The following RTP2 variants were observed in gnomAD, a reference collection of about 807,000 sequenced individuals.
The protein encoded by RTP2 is receptor-transporting protein 2.
Under a neutral mutation model 17.9 loss-of-function variants are expected in RTP2, and 12 were observed. That is an observed-to-expected ratio of 0.67 (90% CI 0.43 to 1.09). The LOEUF (loss-of-function observed/expected upper bound fraction) is 1.09, where lower values mean the gene tolerates loss of function less well. RTP2 is among the 50% of genes least tolerant of loss of function. RTP2 has a pLI of 0.00. For synonymous variants in RTP2, 126 were observed against 117.7 expected, an observed-to-expected ratio of 1.07 and a Z score of -0.46; for missense variants, 327 against 295.7, an observed-to-expected ratio of 1.11 and a Z score of -0.78.
At chr3:187,715,301 C>T in the RTP2 span, among the ~76,000 whole-genome samples, 2 of 152,206 alleles carry the variant, frequency 1.3e-5, no homozygotes, top group Non-Finnish European at 2.9e-5. Context: ...GTGATGAGTT[C>T]AGATGCTCAC....
the RTP2 span, among the ~76,000 whole-genome samples, chr3:187,707,567 T>A: frequency 3.0e-4 from 45 of 152,298 alleles, no homozygotes; most frequent in East Asian, 8.5e-3. Context: ...AGACTCCATA[T>A]CATTTAGGAC....
At chr3:187,712,721 C>T in the RTP2 span, among the ~76,000 whole-genome samples, 3 of 152,222 alleles carry the variant, frequency 2.0e-5, no homozygotes, top group African/African-American at 4.8e-5. Context: ...GGGCTGGACC[C>T]GAGGAATTAG....
exon 1 of RTP2, chr3:187,702,555 T>C (rs1717882101): frequency 2.2e-6 from 1 of 457,592 alleles, no homozygotes; most frequent in Non-Finnish European, 4.4e-6. Flanking sequence ...TACGACACCC[T>C]AGGAAGTCAA....
the RTP2 span, among the ~76,000 whole-genome samples, chr3:187,711,164 T>G: frequency 6.6e-6 from 1 of 152,206 alleles, no homozygotes; most frequent in South Asian, 2.1e-4. Context: ...CTTTAGGATC[T>G]AAGGGAATAT....
At chr3:187,704,929 C>A (rs550241620), upstream of RTP2, among the ~76,000 whole-genome samples, 1 of 152,254 alleles carries the variant, frequency 6.6e-6, no homozygotes, top group East Asian at 1.9e-4. Flanking sequence ...TATTAATTGG[C>A]AGCAACCAGA....
At chr3:187,714,319 A>C in the RTP2 span, among the ~76,000 whole-genome samples, 1 of 106,188 alleles carries the variant, frequency 9.4e-6, no homozygotes, top group Non-Finnish European at 2.4e-5. Context: ...GAAGAGCTGG[A>C]AATTCCTGAT....
chr3:187,710,276 T>A, the RTP2 span, among the ~76,000 whole-genome samples: 1 of 151,986 alleles, frequency 6.6e-6, no homozygotes, highest in Non-Finnish European at 1.5e-5. Flanking sequence ...TACCACTGGC[T>A]TTCCTGAGTC....
upstream of RTP2, among the ~76,000 whole-genome samples, chr3:187,705,498 T>A (rs542937023): frequency 7.2e-5 from 11 of 152,284 alleles, no homozygotes; most frequent in African/African-American, 1.9e-4. Context: ...AAAATATATA[T>A]CTTTCCTTTT....
the RTP2 span, among the ~76,000 whole-genome samples, chr3:187,713,092 G>A: frequency 1.3e-5 from 2 of 152,038 alleles, no homozygotes; most frequent in African/African-American, 4.8e-5. Flanking sequence ...GTGCTTAAGG[G>A]GCACCTCCTC....
chr3:187,710,246 G>A, the RTP2 span, among the ~76,000 whole-genome samples: 6 of 151,974 alleles, frequency 3.9e-5, no homozygotes, highest in Non-Finnish European at 8.8e-5. Context: ...CAGCTCTCTG[G>A]CTCTCAGGCC....
the RTP2 span, among the ~76,000 whole-genome samples, chr3:187,713,274 T>A: frequency 6.6e-6 from 1 of 152,194 alleles, no homozygotes; most frequent in Admixed American, 6.5e-5. Flanking sequence ...ATTTTGACCC[T>A]AAGAGAATAC....
the RTP2 span, among the ~76,000 whole-genome samples, chr3:187,714,580 C>A: frequency 6.6e-6 from 1 of 152,248 alleles, no homozygotes; most frequent in Non-Finnish European, 1.5e-5. Context: ...GCTTGGTCTA[C>A]CCTGCCACCT....
At chr3:187,715,479 G>A in the RTP2 span, 4 of 333,638 alleles carry the variant, frequency 1.2e-5, no homozygotes, top group Non-Finnish European at 2.4e-5. Context: ...TTTAGTGGCA[G>A]CACTGAGGTT....
At chr3:187,711,963 G>A in the RTP2 span, among the ~76,000 whole-genome samples, 17 of 152,236 alleles carry the variant, frequency 1.1e-4, no homozygotes, top group African/African-American at 3.9e-4. Context: ...ACAGATCAGC[G>A]GTTGCCAGAG....
chr3:187,707,793 G>GAT, the RTP2 span, among the ~76,000 whole-genome samples: 2 of 152,162 alleles, frequency 1.3e-5, no homozygotes, highest in African/African-American at 2.4e-5. Context: ...CCCATAAATT[G>GAT]GCTGATGTCT....
chr3:187,715,673 G>C, the RTP2 span: 1 of 456,900 alleles, frequency 2.2e-6, no homozygotes, highest in South Asian at 1.5e-5. Flanking sequence ...GAATCATCTG[G>C]AGAGCAAGAA....
chr3:187,704,640 G>A (rs1247184590), upstream of RTP2, among the ~76,000 whole-genome samples: 1 of 152,212 alleles, frequency 6.6e-6, no homozygotes, highest in Non-Finnish European at 1.5e-5. Context: ...CAGGACAAAT[G>A]CAAGGTGTGT....
At chr3:187,702,644 G>T, upstream of RTP2, 1 of 454,020 alleles carries the variant, frequency 2.2e-6, no homozygotes, top group African/African-American at 2.0e-5. Context: ...CTTACCATGT[G>T]CCTAGCACAA....
the RTP2 span, among the ~76,000 whole-genome samples, chr3:187,713,972 A>G: frequency 1.8e-4 from 28 of 152,170 alleles, no homozygotes; most frequent in Non-Finnish European, 3.1e-4. Flanking sequence ...CCACTGACAC[A>G]CAAAGTTACT....
Sources: gnomAD v4.1 joint callset for allele counts (sites outside exome capture counted in the v4.1 genomes callset) on GRCh38, gnomAD v4.1.1 for gene constraint, MANE v1.5 for transcripts, NCBI Gene and HGNC (gene_info 2026-07-23, HGNC 2026-07-21) for gene names.